NAALAD2: variants seen among roughly 807,000 people sequenced by gnomAD.
NAALAD2 encodes the protein N-acetylated-alpha-linked acidic dipeptidase 2.
In NAALAD2, 89 loss-of-function variants were observed where a neutral mutation model predicts 95.6. That is an observed-to-expected ratio of 0.93 (90% CI 0.78 to 1.11). NAALAD2 has a LOEUF of 1.11. Among genes scored for constraint, NAALAD2 ranks in the 50% least tolerant of loss-of-function variants. NAALAD2 has a pLI of 0.00. For synonymous variants in NAALAD2, 264 were observed against 294.4 expected (o/e 0.90, Z 1.06); for missense variants, 894 against 872.4 (o/e 1.02, Z -0.31).
chr11:90,148,566 A>G (rs1176499075), intron 3 of NAALAD2, among the ~76,000 whole-genome samples: 1 of 152,224 alleles, frequency 6.6e-6, no homozygotes, highest in East Asian at 1.9e-4. Flanking sequence ...TAAGCATCAT[A>G]AGCATATTAG....
chr11:90,162,785 G>C, intron 8 of NAALAD2, 164 bp from the exon 9 acceptor site: 1 of 465,732 alleles, frequency 2.1e-6, no homozygotes, highest in East Asian at 3.6e-5. Flanking sequence ...TGCTTCAACA[G>C]TGTTAACAAT....
rs1952588820 is a variant in NAALAD2, at chr11:90,170,078, C to T, written c.1352C>T (p.Thr451Ile). Residue 451 changes from threonine (T) to isoleucine (I), a missense_variant, in exon 13 of 19, where the codon ACT becomes ATT. Transcript: ENST00000534061. ...CTTATTTATTTTTCAGGCAATTATA[C>T]TCTCAGAGTTGACTGTACTCCCCTT... ...NSDSSIEGNYTLRVDCTPLLY... is the reference protein window; with the variant it reads ...NSDSSIEGNYILRVDCTPLLY... 3 of 1,577,068 alleles carry T rather than the reference C, an allele frequency of 1.9e-6. No homozygotes were observed. The highest frequency in any genetic ancestry group is 2.2e-5 in the South Asian group (2 of 90,270).
Position 90,134,669 on chromosome 11 carries a change from C to T in NAALAD2, c.-90C>T. 5.3e-6 allele frequency: 7 copies of T among 1,330,440 alleles called. No individual in the cohort carries two copies. Among genetic ancestry groups the T allele is most frequent in the Non-Finnish European group, 5.4e-6 (5 of 930,518 alleles). The allele number at this position is 1,330,440 out of a possible 1,614,324, so 82.4% of individuals were successfully genotyped here. On this transcript the variant is annotated 5_prime_UTR_variant, in exon 1 of 19. Transcript: ENST00000534061. ...AGGTCAGCGGAGGCCACCCAGAGCT[C>T]ACAGCCTCCTGCCAGCGCGCTCTCT... is the stretch of plus-strand genomic sequence containing the variant.
intron 3 of NAALAD2, among the ~76,000 whole-genome samples, chr11:90,147,832 T>G (rs1951784385): frequency 6.6e-6 from 1 of 152,206 alleles, no homozygotes; most frequent in Non-Finnish European, 1.5e-5. Context: ...CAATGTTTCC[T>G]GAAGTCTTGA....
intron 15 of NAALAD2, among the ~76,000 whole-genome samples, chr11:90,177,003 TTTAGA>T (rs1952810426): frequency 1.3e-5 from 2 of 152,124 alleles, no homozygotes; most frequent in South Asian, 4.1e-4. Context: ...CTAAGACCAC[TTTAGA>T]TTAGAAGCAG....
intron 18 of NAALAD2, among the ~76,000 whole-genome samples, chr11:90,190,114 G>T (rs10501711): frequency 0.42 from 64,326 of 151,964 alleles, 14,167 homozygotes; most frequent in East Asian, 0.59. Context: ...GAGAAAATTA[G>T]GGAAAGGATT....
rs111488181 is a variant in NAALAD2 at position 90,134,896 on chromosome 11, T to G, written c.82+56T>G. On this transcript the variant is annotated intron_variant, in intron 1 of 18. Coordinates refer to ENST00000534061, the MANE Select transcript of NAALAD2 (RefSeq NM_005467.4). ...CGGGGCTCGTGATTCTCTGCAGAGA[T>G]AAAGGGAGAAATCCTGGAGCTGGAA... 11 of 1,584,518 alleles carry G rather than the reference T, an allele frequency of 6.9e-6. No homozygotes were observed. In the African/African-American group the frequency reaches 1.2e-4, roughly 17 times the overall value.
chr11:90,145,238 C>T (rs891943390), intron 2 of NAALAD2, among the ~76,000 whole-genome samples: 1 of 152,110 alleles, frequency 6.6e-6, no homozygotes, highest in Non-Finnish European at 1.5e-5. Flanking sequence ...AATATGTATG[C>T]CTGGCGCTGT....
chr11:90,141,554 T>C (rs1451464698), intron 2 of NAALAD2, among the ~76,000 whole-genome samples: 1 of 152,142 alleles, frequency 6.6e-6, no homozygotes, highest in South Asian at 2.1e-4. Context: ...TGTTTGTGTA[T>C]TGATGTTGCA....
rs181486654 is a variant in NAALAD2 at position 90,155,734 on chromosome 11, C to T, written c.797-2411C>T. 1.1e-3 allele frequency among the ~76,000 whole-genome samples: 52 copies of T among 45,996 alleles called. 1 individual carries two copies. Among genetic ancestry groups the T allele is most frequent in the South Asian group, 5.5e-3 (6 of 1,092 alleles). 30.2% of individuals were successfully genotyped at this position (45,996 alleles called of 152,430 possible). On this transcript the variant is annotated intron_variant, in intron 6 of 18. Coordinates refer to ENST00000534061, the MANE Select transcript of NAALAD2 (RefSeq NM_005467.4). ...ATTGTATGTATGTAATACATACATACATATGTATGTATTATTACATATGTA... is the reference window on the plus strand; with the variant it reads ...ATTGTATGTATGTAATACATACATATATATGTATGTATTATTACATATGTA...
chr11:90,159,445 C>G (rs771474947), intron 8 of NAALAD2, 108 bp downstream of exon 8: 19 of 723,176 alleles, frequency 2.6e-5, no homozygotes, highest in Non-Finnish European at 3.9e-5. Context: ...TTTTCTCTTT[C>G]TAAACAACCA....
At chr11:90,149,439 G>A (rs772780849) in intron 4 of NAALAD2, among the ~76,000 whole-genome samples, 4 of 151,942 alleles carry the variant, frequency 2.6e-5, no homozygotes, top group African/African-American at 9.6e-5. Flanking sequence ...TTTTTGTTTC[G>A]TTTTGTTTTT....
At chr11:90,152,619 C>G in intron 6 of NAALAD2, 135 bp downstream of exon 6, 3 of 598,386 alleles carry the variant, frequency 5.0e-6, no homozygotes, top group Non-Finnish European at 5.4e-6. Context: ...ATTACTGCTG[C>G]TAGGAATTTT....
intron 8 of NAALAD2, among the ~76,000 whole-genome samples, chr11:90,159,750 A>C (rs1952232914): frequency 6.6e-6 from 1 of 152,032 alleles, no homozygotes; most frequent in Non-Finnish European, 1.5e-5. Context: ...TGGGAGTTCA[A>C]GACCAGCCTG....
At chr11:90,175,040 C>T (rs557826271) in intron 14 of NAALAD2, among the ~76,000 whole-genome samples, 57 of 152,010 alleles carry the variant, frequency 3.7e-4, no homozygotes, top group African/African-American at 1.3e-3. Flanking sequence ...GGCCCCATCC[C>T]CAAGATATCT....
chr11:90,136,185 AC>A (rs1951450366), intron 2 of NAALAD2, among the ~76,000 whole-genome samples: 1 of 152,154 alleles, frequency 6.6e-6, no homozygotes, highest in Non-Finnish European at 1.5e-5. Context: ...ACCATGAAAA[AC>A]AGTGGAAATT....
upstream of NAALAD2, among the ~76,000 whole-genome samples, chr11:90,134,022 G>C (rs936920074): frequency 3.3e-5 from 5 of 152,074 alleles, no homozygotes; most frequent in Admixed American, 2.6e-4. Flanking sequence ...CCATATTTTG[G>C]GAAATTGGTG....
rs1437770214 is a variant in NAALAD2, at chr11:90,177,849, T to C, written c.1594-4T>C. On this transcript the variant is annotated splice_polypyrimidine_tract_variant and splice_region_variant and intron_variant, in intron 15 of 18. Transcript: ENST00000534061. ...TTATACTTGCCTCTCCATTTTTTTT[T>C]CAGAAAACAGATAAGTACAGCAGCT... The C allele has an allele frequency of 6.3e-6, 10 of 1,594,442 alleles. No homozygotes were observed. The highest frequency in any genetic ancestry group is 4.6e-5 in the South Asian group (4 of 86,424).
In NAALAD2 at chr11:90,163,387, T is replaced by C; in HGVS notation, c.1153T>C (p.Leu385=). 5 of 1,614,116 alleles carry C rather than the reference T, an allele frequency of 3.1e-6. No individual in the cohort carries two copies. Among genetic ancestry groups the C allele is most frequent in the Non-Finnish European group, 4.2e-6 (5 of 1,179,930 alleles). Residue 385 remains leucine (L), a synonymous_variant, in exon 10 of 19, where the codon TTG becomes CTG. Transcript: ENST00000534061. ...AIDPTSGVAV[L]QEIARSFGKL... ...TGACCCAACCAGTGGGGTTGCTGTT[T>C]TGCAAGAAATTGCCCGGAGTTTTGG...
Sources: gnomAD v4.1 joint callset for allele counts (sites outside exome capture counted in the v4.1 genomes callset) on GRCh38, gnomAD v4.1.1 for gene constraint, MANE v1.5 for transcripts, NCBI Gene and HGNC (gene_info 2026-07-23, HGNC 2026-07-21) for gene names.